Variants in EDF1 observed in about 807,000 individuals in gnomAD.
The protein encoded by EDF1 is endothelial differentiation related factor 1.
EDF1 carries 5 observed loss-of-function variants against 20.8 expected under a neutral mutation model. That is an observed-to-expected ratio of 0.24 (90% CI 0.13 to 0.51). The LOEUF (loss-of-function observed/expected upper bound fraction) is 0.51, where lower values mean the gene tolerates loss of function less well. Ranked by LOEUF, EDF1 falls within the 20% of genes least tolerant of loss-of-function variation. EDF1 has a pLI of 0.97. For synonymous variants in EDF1, 96 were observed against 78.5 expected, an observed-to-expected ratio of 1.22 and a Z score of -1.18; for missense variants, 137 against 197.8, an observed-to-expected ratio of 0.69 and a Z score of 1.84.
chr9:136,865,373 G>C (rs1482070142), intron 1 of EDF1, among the ~76,000 whole-genome samples: 1 of 152,032 alleles, frequency 6.6e-6, no homozygotes, highest in Non-Finnish European at 1.5e-5. Flanking sequence ...AGCCTGTGAT[G>C]CACCCAGGCA....
chr9:136,862,793 C>T lies in EDF1; in HGVS notation c.385+113G>A. The stretch of plus-strand genomic sequence containing the variant: ...AAGCAAAGCTCCAGAATTCAGAGAA[C>T]AGGGGACCCCCAGGGCCATCTTCTT... On this transcript the variant is annotated intron_variant, in intron 4 of 4. Coordinates refer to ENST00000224073, the MANE Select transcript of EDF1 (RefSeq NM_003792.4). This position sits in a 1 kb window ranked among gnomAD's most constrained non-coding sequence, Gnocchi z 4.1. 1.2e-6 allele frequency: 2 copies of T among 1,607,848 alleles called. No individual in the cohort carries two copies. Among genetic ancestry groups the T allele is most frequent in the Non-Finnish European group, 1.7e-6 (2 of 1,178,380 alleles).
At chr9:136,864,260 G>A (rs951353376) in intron 1 of EDF1, among the ~76,000 whole-genome samples, 9 of 150,440 alleles carry the variant, frequency 6.0e-5, no homozygotes, top group African/African-American at 2.2e-4. Context: ...TGTTGAGAAA[G>A]ACACACTAGG....
chr9:136,863,117 A>C lies in EDF1; in HGVS notation c.292-118T>G. 1 of 1,520,070 alleles carries C rather than the reference A, an allele frequency of 6.6e-7. No individual in the cohort carries two copies. The highest frequency in any genetic ancestry group is 9.0e-7 in the Non-Finnish European group (1 of 1,109,476). 94.2% of individuals were successfully genotyped at this position (1,520,070 alleles called of 1,614,324 possible). A position where few individuals can be genotyped will look rare whatever the true frequency, so the allele number is the denominator to read the frequency against. Reference sequence around the variant, plus strand: ...GCCCCTGGGGTACGCACCCACACGCAGCTGGGTTTTGTGCGAGAGGCAGTG... The same window carrying C: ...GCCCCTGGGGTACGCACCCACACGCCGCTGGGTTTTGTGCGAGAGGCAGTG... On this transcript the variant is annotated intron_variant, in intron 3 of 4. Coordinates refer to ENST00000224073, the MANE Select transcript of EDF1 (RefSeq NM_003792.4). The surrounding 1 kb of genome is among the most constrained non-coding windows in gnomAD (Gnocchi z 4.5).
Position 136,862,797 on chromosome 9 carries a change from G to A in EDF1, c.385+109C>T. 9 of 1,608,544 alleles carry A rather than the reference G, an allele frequency of 5.6e-6. No individual in the cohort carries two copies. The highest frequency in any genetic ancestry group is 7.6e-6 in the Non-Finnish European group (9 of 1,178,710). Reference sequence around the variant, plus strand: ...AAAGCTCCAGAATTCAGAGAACAGGGGACCCCCAGGGCCATCTTCTTCCCC... The same window carrying A: ...AAAGCTCCAGAATTCAGAGAACAGGAGACCCCCAGGGCCATCTTCTTCCCC... On this transcript the variant is annotated intron_variant, in intron 4 of 4. Transcript: ENST00000224073. The surrounding 1 kb of genome is among the most constrained non-coding windows in gnomAD (Gnocchi z 4.1).
rs897669357 is a variant in EDF1 at position 136,862,215 on chromosome 9, G to A, written c.*69C>T. 55 of 1,600,328 alleles carry A rather than the reference G, an allele frequency of 3.4e-5. 1 individual carries two copies. In the East Asian group the frequency reaches 8.3e-4, roughly 24 times the overall value. On this transcript the variant is annotated 3_prime_UTR_variant, in exon 5 of 5. Transcript: ENST00000224073. The surrounding 1 kb of genome is among the most constrained non-coding windows in gnomAD (Gnocchi z 4.1). ...GTTCCGTTCGGCCCGTGAGGAGAAC[G>A]GAACTGGCGGCCAAGGGGAACCGGC...
At position 136,862,150 on chromosome 9, in the gene EDF1, G is replaced by A; in HGVS notation, c.*134C>T. The A allele has an allele frequency of 8.8e-7, 1 of 1,135,368 alleles. No homozygotes were observed. Among genetic ancestry groups the A allele is most frequent in the Non-Finnish European group, 1.3e-6 (1 of 766,338 alleles). The allele number at this position is 1,135,368 out of a possible 1,614,324, so 70.3% of individuals were successfully genotyped here. A position where few individuals can be genotyped will look rare whatever the true frequency, so the allele number is the denominator to read the frequency against. On this transcript the variant is annotated 3_prime_UTR_variant, in exon 5 of 5. Coordinates refer to ENST00000224073, the MANE Select transcript of EDF1 (RefSeq NM_003792.4). The surrounding 1 kb of genome is among the most constrained non-coding windows in gnomAD (Gnocchi z 4.1). ...GCAAGGTTTTGTTTGTTTGACAGCA[G>A]GAATGGGCTGGGGAGGGTCCCCCGC...
Position 136,863,732 on chromosome 9 carries a change from T to TC in EDF1, c.130+87dup. 1 of 1,519,608 alleles carries TC rather than the reference T, an allele frequency of 6.6e-7. No individual in the cohort carries two copies. 94.1% of individuals were successfully genotyped at this position (1,519,608 alleles called of 1,614,324 possible). A position where few individuals can be genotyped will look rare whatever the true frequency, so the allele number is the denominator to read the frequency against. On this transcript the variant is annotated intron_variant, in intron 2 of 4. Transcript: ENST00000224073. The surrounding 1 kb of genome is among the most constrained non-coding windows in gnomAD (Gnocchi z 4.5). The stretch of plus-strand genomic sequence containing the variant: ...GCAGGCAGGCACTCAGCTGACAACG[T>TC]CCCCGGGGGCGCCGCACACACCACA...
At position 136,862,842 on chromosome 9, in the gene EDF1, C is replaced by A. The variant is rs773798346; in HGVS notation, c.385+64G>T. On this transcript the variant is annotated intron_variant, in intron 4 of 4. Coordinates refer to ENST00000224073, the MANE Select transcript of EDF1 (RefSeq NM_003792.4). This position sits in a 1 kb window ranked among gnomAD's most constrained non-coding sequence, Gnocchi z 4.1. Reference sequence around the variant, plus strand: ...TTCCCCCGAGTCCCACTCTCACCAACCCCAGCTGGGAGCGGGTAGCCTCCC... The same window carrying A: ...TTCCCCCGAGTCCCACTCTCACCAAACCCAGCTGGGAGCGGGTAGCCTCCC... 2.8e-5 allele frequency: 45 copies of A among 1,611,740 alleles called. No individual in the cohort carries two copies. Among genetic ancestry groups the A allele is most frequent in the Middle Eastern group, 4.4e-4 (2 of 4,596 alleles).
Position 136,862,945 on chromosome 9 carries a change from G to T in EDF1, c.346C>A (p.Pro116Thr). 6.2e-7 allele frequency: 1 copy of T among 1,613,974 alleles called. No individual in the cohort carries two copies. Among genetic ancestry groups the T allele is most frequent in the Non-Finnish European group, 8.5e-7 (1 of 1,180,014 alleles). ...IADYESGRAI[P>T]NNQVLGKIER... ...ATTTTGCCAAGCACCTGGTTATTGG[G>T]TATGGCCCGTCCGCTCTCATAGTCC... The change falls in exon 4 of 5, where the codon CCC (proline) becomes ACC (threonine). Residue 116 changes from proline to threonine, a missense_variant. Pro to Thr is a conservative substitution (Grantham distance 38, BLOSUM62 -1). Transcript: ENST00000224073. This position sits in a 1 kb window ranked among gnomAD's most constrained non-coding sequence, Gnocchi z 4.1.
chr9:136,862,308 G>C lies in EDF1; in HGVS notation c.423C>G (p.Ile141Met). Residue 141 changes from isoleucine (I) to methionine (M), a missense_variant, in exon 5 of 5, where the codon ATC (isoleucine) becomes ATG (methionine). By Grantham distance (10) the Ile-to-Met change is conservative (BLOSUM62 1). Coordinates refer to ENST00000224073, the MANE Select transcript of EDF1 (RefSeq NM_003792.4). This position sits in a 1 kb window ranked among gnomAD's most constrained non-coding sequence, Gnocchi z 4.1. ...KLRGKDIGKP[I>M]EKGPRAK ...TTCATTTCGCCCTAGGCCCCTTCTC[G>C]ATGGGCTTTCCAATGTCCTTTCCCC... 1.9e-6 allele frequency: 3 copies of C among 1,613,990 alleles called. No homozygotes were observed. The highest frequency in any genetic ancestry group is 1.3e-5 in the African/African-American group (1 of 75,010).
Position 136,862,759 on chromosome 9 carries a change from T to C in EDF1, c.385+147A>G. Reference sequence around the variant, plus strand: ...GACCCCACCATCCCTCAGTCTGTACTACCTGGAGAAGCAAAGCTCCAGAAT... The same window carrying C: ...GACCCCACCATCCCTCAGTCTGTACCACCTGGAGAAGCAAAGCTCCAGAAT... On this transcript the variant is annotated intron_variant, in intron 4 of 4. Transcript: ENST00000224073. The surrounding 1 kb of genome is among the most constrained non-coding windows in gnomAD (Gnocchi z 4.1). 6.3e-7 allele frequency: 1 copy of C among 1,589,632 alleles called. No individual in the cohort carries two copies.
In EDF1 at chr9:136,863,140, G is replaced by A. The variant is rs1260067099; in HGVS notation, c.292-141C>T. 3.6e-5 allele frequency: 54 copies of A among 1,511,064 alleles called. No homozygotes were observed. The highest frequency in any genetic ancestry group is 4.4e-5 in the Non-Finnish European group (49 of 1,110,872). 93.6% of individuals were successfully genotyped at this position (1,511,064 alleles called of 1,614,324 possible). On this transcript the variant is annotated intron_variant, in intron 3 of 4. Coordinates refer to ENST00000224073, the MANE Select transcript of EDF1 (RefSeq NM_003792.4). This position sits in a 1 kb window ranked among gnomAD's most constrained non-coding sequence, Gnocchi z 4.5. The stretch of plus-strand genomic sequence containing the variant: ...GCAGCTGGGTTTTGTGCGAGAGGCA[G>A]TGAGAGCCGGGCTGACCTGGCTTCC...
In EDF1 at chr9:136,863,426, T is replaced by C; in HGVS notation, c.153A>G (p.Gln51=). 6.2e-7 allele frequency: 1 copy of C among 1,614,022 alleles called. No individual in the cohort carries two copies. The part of the protein sequence containing the change: ...SKKWAAGQNK[Q]HSITKNTAKL... ...TGGCCGTGTTCTTGGTAATAGAATG[T>C]TGTTTGTTCTGGCCAGCAGCCCCTG... is the stretch of plus-strand genomic sequence containing the variant. The change falls in exon 3 of 5, where the codon CAA becomes CAG. Residue 51 remains glutamine, a synonymous_variant. Coordinates refer to ENST00000224073, the MANE Select transcript of EDF1 (RefSeq NM_003792.4). This position sits in a 1 kb window ranked among gnomAD's most constrained non-coding sequence, Gnocchi z 4.5.
Position 136,862,699 on chromosome 9 carries a change from C to T in EDF1, c.385+207G>A. 1.3e-6 allele frequency: 2 copies of T among 1,506,306 alleles called. No homozygotes were observed. The highest frequency in any genetic ancestry group is 1.8e-6 in the Non-Finnish European group (2 of 1,135,586). 93.3% of individuals were successfully genotyped at this position (1,506,306 alleles called of 1,614,324 possible). The stretch of plus-strand genomic sequence containing the variant: ...CTGGCAAGGGGAAGGGACTCGGACT[C>T]CACTTGCTCTTAGGGGTTTCCTGAG... On this transcript the variant is annotated intron_variant, in intron 4 of 4. Transcript: ENST00000224073. The surrounding 1 kb of genome is among the most constrained non-coding windows in gnomAD (Gnocchi z 4.1).
chr9:136,864,658 C>G (rs937765676), intron 1 of EDF1, among the ~76,000 whole-genome samples: 1 of 151,486 alleles, frequency 6.6e-6, no homozygotes, highest in Admixed American at 6.6e-5. Context: ...GAGTCTCACT[C>G]TGTTGCCCAG....
At position 136,862,278 on chromosome 9, in the gene EDF1, T is replaced by C; in HGVS notation, c.*6A>G. 1 of 1,613,868 alleles carries C rather than the reference T, an allele frequency of 6.2e-7. No homozygotes were observed. Among genetic ancestry groups the C allele is most frequent in the Non-Finnish European group, 8.5e-7 (1 of 1,179,958 alleles). ...GCTGGAGCGCACTGATTTCGAGGCTTTGTGTTCATTTCGCCCTAGGCCCCT... is the reference window on the plus strand; with the variant it reads ...GCTGGAGCGCACTGATTTCGAGGCTCTGTGTTCATTTCGCCCTAGGCCCCT... On this transcript the variant is annotated 3_prime_UTR_variant, in exon 5 of 5. Coordinates refer to ENST00000224073, the MANE Select transcript of EDF1 (RefSeq NM_003792.4). This position sits in a 1 kb window ranked among gnomAD's most constrained non-coding sequence, Gnocchi z 4.1.
chr9:136,863,104 C>T lies in EDF1; in HGVS notation c.292-105G>A, dbSNP rs577541113. ...AGCAGCTTCTAGGGCCCCTGGGGTA[C>T]GCACCCACACGCAGCTGGGTTTTGT... On this transcript the variant is annotated intron_variant, in intron 3 of 4. Coordinates refer to ENST00000224073, the MANE Select transcript of EDF1 (RefSeq NM_003792.4). This position sits in a 1 kb window ranked among gnomAD's most constrained non-coding sequence, Gnocchi z 4.5. 2.4e-5 allele frequency: 37 copies of T among 1,521,318 alleles called. No individual in the cohort carries two copies. Among genetic ancestry groups the T allele is most frequent in the South Asian group, 2.2e-4 (19 of 88,272 alleles). The allele number at this position is 1,521,318 out of a possible 1,614,324, so 94.2% of individuals were successfully genotyped here.
Position 136,863,469 on chromosome 9 carries a change from A to G in EDF1, c.131-21T>C. 6.2e-7 allele frequency: 1 copy of G among 1,605,602 alleles called. No individual in the cohort carries two copies. Among genetic ancestry groups the G allele is most frequent in the South Asian group, 1.1e-5 (1 of 90,836 alleles). On this transcript the variant is annotated intron_variant, in intron 2 of 4. Transcript: ENST00000224073. The surrounding 1 kb of genome is among the most constrained non-coding windows in gnomAD (Gnocchi z 4.5). ...AGCCCCTGGAGTCGGTGTGAGGCAAAAGCAGAGGAGAGGATTTGGAATTAA... is the reference window on the plus strand; with the variant it reads ...AGCCCCTGGAGTCGGTGTGAGGCAAGAGCAGAGGAGAGGATTTGGAATTAA...
intron 1 of EDF1, among the ~76,000 whole-genome samples, chr9:136,865,493 G>A (rs1849197818): frequency 6.6e-6 from 1 of 151,730 alleles, no homozygotes; most frequent in African/African-American, 2.4e-5. Context: ...CTCCCACTCA[G>A]GTCACTAACC....
Sources: allele counts gnomAD v4.1 joint callset (sites outside exome capture counted in the v4.1 genomes callset), GRCh38; gene constraint gnomAD v4.1.1; non-coding constraint Gnocchi (gnomAD v3.1); transcripts MANE v1.5; gene names NCBI Gene and HGNC (gene_info 2026-07-23, HGNC 2026-07-21).